Variants in GNAS observed in about 807,000 individuals in gnomAD.
The protein encoded by GNAS is GNAS complex locus.
GNAS carries 8 observed loss-of-function variants against 54.5 expected under a neutral mutation model. The ratio of observed to expected loss-of-function variants is 0.15; its 90% CI spans 0.09 to 0.26. The LOEUF (loss-of-function observed/expected upper bound fraction) is 0.26, where lower values mean the gene tolerates loss of function less well. GNAS is among the 10% of genes least tolerant of loss of function. GNAS has a pLI of 1.00. For missense variants in GNAS, 170 were observed against 529.8 expected (o/e 0.32, Z 6.67); for synonymous variants, 204 against 191.4 (o/e 1.07, Z -0.54).
At chr20:58,900,619 CT>C (rs1385105665) in intron 3 of GNAS, among the ~76,000 whole-genome samples, 5 of 152,202 alleles carry the variant, frequency 3.3e-5, no homozygotes, top group Non-Finnish European at 7.3e-5. Context: ...CCTAAAAGTA[CT>C]TCCAGCCTTA....
upstream of GNAS, chr20:58,839,965 A>C: frequency 1.2e-6 from 1 of 833,622 alleles, no homozygotes; most frequent in South Asian, 1.6e-5. Flanking sequence ...TTTTCTCCTC[A>C]CAAGGAGGTG....
chr20:58,898,876 T>C (rs2090333708), intron 2 of GNAS, 65 bp from the exon 3 acceptor site: 2 of 1,291,638 alleles, frequency 1.5e-6, no homozygotes, highest in African/African-American at 2.9e-5. Context: ...AGAGAGACTG[T>C]GTGGGGTTTG....
At position 58,895,572 on chromosome 20, in the gene GNAS, A is replaced by C. The variant is rs775174809; in HGVS notation, c.140-40A>C. 19 of 1,254,932 alleles carry C rather than the reference A, an allele frequency of 1.5e-5. No homozygotes were observed. The East Asian group carries it at 4.2e-4, about 27-fold the overall frequency. The allele number at this position is 1,254,932 out of a possible 1,614,324, so 77.7% of individuals were successfully genotyped here. On this transcript the variant is annotated intron_variant, in intron 1 of 12. Coordinates refer to ENST00000371085, the MANE Select transcript of GNAS (RefSeq NM_000516.7). ...AGACCTCCCTGCCCAAAGTGTTAAA[A>C]TGCCTCCTTCATAACCTGAGACTTA...
upstream of GNAS, chr20:58,889,166 C>T (rs762683176): frequency 7.7e-5 from 93 of 1,215,560 alleles, 1 homozygote; most frequent in African/African-American, 1.6e-5. Context: ...CTCTGCTCCC[C>T]GGCGGGGACA....
rs2089379567 is a variant in GNAS, at chr20:58,891,777, G to A, written c.51G>A (p.Lys17=). 4 of 1,280,848 alleles carry A rather than the reference G, an allele frequency of 3.1e-6. No homozygotes were observed. The African/African-American group carries it at 4.7e-5, about 15-fold the overall frequency. 79.3% of individuals were successfully genotyped at this position (1,280,848 alleles called of 1,614,324 possible). A position where few individuals can be genotyped will look rare whatever the true frequency, so the allele number is the denominator to read the frequency against. The change falls in exon 1 of 13, where the codon AAG becomes AAA. Residue 17 remains lysine, a synonymous_variant. Coordinates refer to ENST00000371085, the MANE Select transcript of GNAS (RefSeq NM_000516.7). ...CCGAGGACCAGCGCAACGAGGAGAA[G>A]GCGCAGCGTGAGGCCAACAAAAAGA... ...SKTEDQRNEE[K]AQREANKKIE... is the part of the protein sequence containing the mutation.
At chr20:58,904,737 A>G (rs535624894) in intron 5 of GNAS, among the ~76,000 whole-genome samples, 5 of 152,376 alleles carry the variant, frequency 3.3e-5, no homozygotes, top group South Asian at 4.1e-4. Context: ...ATGGATAGCT[A>G]AACTTTTTAA....
intron 1 of GNAS, chr20:58,854,732 A>C: frequency 6.5e-7 from 1 of 1,537,080 alleles, no homozygotes; most frequent in Non-Finnish European, 8.7e-7. Context: ...ATGTCGCCCC[A>C]GCTGCGCCAG....
At position 58,891,877 on chromosome 20, in the gene GNAS, C is replaced by A. The variant is rs371116198; in HGVS notation, c.139+12C>A. 8 of 1,159,700 alleles carry A rather than the reference C, an allele frequency of 6.9e-6. No individual in the cohort carries two copies. The highest frequency in any genetic ancestry group is 4.9e-5 in the African/African-American group (3 of 60,738). The allele number at this position is 1,159,700 out of a possible 1,614,324, so 71.8% of individuals were successfully genotyped here. On this transcript the variant is annotated intron_variant, in intron 1 of 12. Coordinates refer to ENST00000371085, the MANE Select transcript of GNAS (RefSeq NM_000516.7). The stretch of plus-strand genomic sequence containing the variant: ...CCTGCTGCTGCTGGGTAAGGGCGGG[C>A]GGGGGGCGCCGGCCCCGGCCCGGGG...
rs751919591 is a variant in GNAS, at chr20:58,873,783, T to C, written c.44-21829T>C. Among the ~76,000 whole-genome samples, 1 of 152,132 alleles carries C rather than the reference T, an allele frequency of 6.6e-6. No homozygotes were observed. The highest frequency in any genetic ancestry group is 1.5e-5 in the Non-Finnish European group (1 of 68,024). On this transcript the variant is annotated intron_variant, in intron 1 of 12. Transcript: ENST00000306090. The surrounding 1 kb of genome is among the most constrained non-coding windows in gnomAD (Gnocchi z 4.3). Reference sequence around the variant, plus strand: ...TGGGGAAGACAAAAGTATGAGACACTGCTACTCCCTTGATGGAATCAAAAC... The same window carrying C: ...TGGGGAAGACAAAAGTATGAGACACCGCTACTCCCTTGATGGAATCAAAAC...
Position 58,910,431 on chromosome 20 carries a change from C to A in GNAS, c.1038+30C>A. 6.7e-7 allele frequency: 1 copy of A among 1,500,010 alleles called. No homozygotes were observed. The highest frequency in any genetic ancestry group is 9.3e-7 in the Non-Finnish European group (1 of 1,076,032). 92.9% of individuals were successfully genotyped at this position (1,500,010 alleles called of 1,614,324 possible). A position where few individuals can be genotyped will look rare whatever the true frequency, so the allele number is the denominator to read the frequency against. On this transcript the variant is annotated intron_variant, in intron 12 of 12. Coordinates refer to ENST00000371085, the MANE Select transcript of GNAS (RefSeq NM_000516.7). The surrounding 1 kb of genome is among the most constrained non-coding windows in gnomAD (Gnocchi z 5.8). ...GTCGAGCCTGTCTTTAGTTTCCTCT[C>A]TTGTTCCTCCTCTTTTTCTCATGGA...
At chr20:58,865,298 A>G (rs1012108119) in intron 1 of GNAS, among the ~76,000 whole-genome samples, 14 of 151,278 alleles carry the variant, frequency 9.3e-5, no homozygotes, top group Non-Finnish European at 4.4e-5. Context: ...GGCACCTATA[A>G]TCCCAGCTAC....
intron 1 of GNAS, among the ~76,000 whole-genome samples, chr20:58,842,719 T>G (rs1291490762): frequency 1.3e-5 from 2 of 152,176 alleles, no homozygotes; most frequent in African/African-American, 4.8e-5. Context: ...TCTGTGACAT[T>G]AAGTGTTCAG....
Position 58,910,630 on chromosome 20 carries a change from G to T in GNAS, c.1039-53G>T. ...CTGGTAGGTGTCCCCATCAGGGATAGGGTGGTTCCTGGCGAGGGTGTCACT... is the reference window on the plus strand; with the variant it reads ...CTGGTAGGTGTCCCCATCAGGGATATGGTGGTTCCTGGCGAGGGTGTCACT... On this transcript the variant is annotated intron_variant, in intron 12 of 12. Transcript: ENST00000371085. The surrounding 1 kb of genome is among the most constrained non-coding windows in gnomAD (Gnocchi z 5.8). 1.2e-6 allele frequency: 2 copies of T among 1,606,448 alleles called. No individual in the cohort carries two copies. Among genetic ancestry groups the T allele is most frequent in the South Asian group, 2.2e-5 (2 of 90,846 alleles).
At chr20:58,894,494 A>G (rs2089851367) in intron 1 of GNAS, among the ~76,000 whole-genome samples, 2 of 152,236 alleles carry the variant, frequency 1.3e-5, no homozygotes, top group South Asian at 4.1e-4. Flanking sequence ...AAACAAAACA[A>G]TACAATTAAA....
intron 1 of GNAS, among the ~76,000 whole-genome samples, chr20:58,847,289 C>T (rs2085974948): frequency 6.6e-6 from 1 of 151,788 alleles, no homozygotes; most frequent in Non-Finnish European, 1.5e-5. Flanking sequence ...GGTATCTTGC[C>T]TCATCCATTT....
intron 1 of GNAS, among the ~76,000 whole-genome samples, chr20:58,870,848 C>T (rs997155714): frequency 4.6e-5 from 7 of 152,278 alleles, no homozygotes; most frequent in Admixed American, 3.3e-4. Flanking sequence ...CTTGGCCGGG[C>T]GCCTTTTCTT....
chr20:58,874,221 G>A (rs1221728731), intron 1 of GNAS, among the ~76,000 whole-genome samples: 3 of 152,218 alleles, frequency 2.0e-5, no homozygotes, highest in African/African-American at 7.2e-5. Flanking sequence ...AGCCCAGAGG[G>A]TTACTGGCCA....
Position 58,863,561 on chromosome 20 carries a change from C to G in GNAS, c.43+22675C>G, listed in dbSNP as rs1318774009. ...GGGACAGAGTAAGTACTTTTAACTTCCTTTAATGAGTTGATAATGGGAAGG... is the reference window on the plus strand; with the variant it reads ...GGGACAGAGTAAGTACTTTTAACTTGCTTTAATGAGTTGATAATGGGAAGG... On this transcript the variant is annotated intron_variant, in intron 1 of 12. Transcript: ENST00000306090. The surrounding 1 kb of genome is among the most constrained non-coding windows in gnomAD (Gnocchi z 4.1). The G allele has an allele frequency of 1.3e-5, 2 of 152,138 alleles. No individual in the cohort carries two copies. Among genetic ancestry groups the G allele is most frequent in the Non-Finnish European group, 2.9e-5 (2 of 68,030 alleles). The allele number at this position is 152,138 out of a possible 1,614,324, so 9.4% of individuals were successfully genotyped here.
chr20:58,842,558 G>T, intron 1 of GNAS: 1 of 398,626 alleles, frequency 2.5e-6, no homozygotes, highest in South Asian at 1.3e-4. Context: ...AGTAAATACG[G>T]AGAAACTAGT....
Sources: allele counts gnomAD v4.1 joint callset (sites outside exome capture counted in the v4.1 genomes callset), GRCh38; gene constraint gnomAD v4.1.1; non-coding constraint Gnocchi (gnomAD v3.1); transcripts MANE v1.5; gene names NCBI Gene and HGNC (gene_info 2026-07-23, HGNC 2026-07-21).